MAST3: variants seen among roughly 807,000 people sequenced by gnomAD.
MAST3 encodes the protein microtubule-associated serine/threonine-protein kinase 3.
In MAST3, 43 loss-of-function variants were observed where a neutral mutation model predicts 127.0. The ratio of observed to expected loss-of-function variants is 0.34; its 90% CI spans 0.27 to 0.44. The LOEUF is 0.44. MAST3 is among the 20% of genes least tolerant of loss of function. The pLI is 1.00. For synonymous variants in MAST3, 785 were observed against 809.2 expected, an observed-to-expected ratio of 0.97 and a Z score of 0.51; for missense variants, 1,390 against 1,919.1, an observed-to-expected ratio of 0.72 and a Z score of 5.15.
intron 15 of MAST3, among the ~76,000 whole-genome samples, chr19:18,132,742 C>T (rs79430272): frequency 0.019 from 2,861 of 152,258 alleles, 84 homozygotes; most frequent in Admixed American, 0.074. Flanking sequence ...CAGGTGTCCT[C>T]GAGATACGAG....
Position 18,134,801 on chromosome 19 carries a change from G to T in MAST3, c.1705-16G>T. 6.2e-7 allele frequency: 1 copy of T among 1,613,894 alleles called. No homozygotes were observed. The highest frequency in any genetic ancestry group is 8.5e-7 in the Non-Finnish European group (1 of 1,179,838). The stretch of plus-strand genomic sequence containing the variant: ...GCTGGGGGCTGGCCTCAGTTTCCCC[G>T]TTCTCCCTGGCCCAGGTGTGTGGGA... On this transcript the variant is annotated splice_polypyrimidine_tract_variant and intron_variant, in intron 16 of 27. Coordinates refer to ENST00000687212, the MANE Select transcript of MAST3 (RefSeq NM_001393504.1).
intron 17 of MAST3, 87 bp downstream of exon 17, chr19:18,135,069 A>G: frequency 1.4e-6 from 2 of 1,468,168 alleles, no homozygotes; most frequent in South Asian, 1.3e-5. Context: ...CAGGGAGAGA[A>G]GCAGGAAGAG....
Position 18,131,949 on chromosome 19 carries a change from G to T in MAST3, c.1473G>T (p.Leu491=). The T allele has an allele frequency of 6.2e-7, 1 of 1,612,376 alleles. No individual in the cohort carries two copies. Residue 491 remains leucine, a synonymous_variant, in exon 15 of 28, where the codon CTG becomes CTT. Coordinates refer to ENST00000687212, the MANE Select transcript of MAST3 (RefSeq NM_001393504.1). The stretch of plus-strand genomic sequence containing the variant: ...CGCTCCTGAAGAACATGGGCCCGCT[G>T]CCCGTGGACATGGCCCGCCTGTACT... ...CATLLKNMGP[L]PVDMARLYFA... is the part of the protein sequence containing the mutation.
At chr19:18,137,131 G>C in intron 18 of MAST3, 108 bp from the exon 19 acceptor site, 1 of 1,398,670 alleles carries the variant, frequency 7.1e-7, no homozygotes, top group Non-Finnish European at 9.6e-7. Context: ...CCATTTTTCT[G>C]GTTCTGTGTT....
In MAST3 at chr19:18,128,899, C is replaced by T; in HGVS notation, c.1171C>T (p.Pro391Ser). ...RALVGQSRRK[P>S]CESDFETIKL... The stretch of plus-strand genomic sequence containing the variant: ...CCTGGTCGGCCAGTCACGGAGGAAG[C>T]CATGCGAAAGCGACTTTGAGACCAT... The change falls in exon 13 of 28, where the codon CCA becomes TCA. Residue 391 changes from proline (P) to serine (S), a missense_variant. Physicochemically the swap from Pro to Ser is moderately conservative, Grantham distance 74. Coordinates refer to ENST00000687212, the MANE Select transcript of MAST3 (RefSeq NM_001393504.1). 1 of 1,613,844 alleles carries T rather than the reference C, an allele frequency of 6.2e-7. No homozygotes were observed. Among genetic ancestry groups the T allele is most frequent in the Non-Finnish European group, 8.5e-7 (1 of 1,179,884 alleles).
chr19:18,130,136 C>CGG (rs576530348), intron 13 of MAST3, among the ~76,000 whole-genome samples: 1 of 151,500 alleles, frequency 6.6e-6, no homozygotes, highest in Non-Finnish European at 1.5e-5. Flanking sequence ...TCATTTGAGC[C>CGG]GGGGGGGTGG....
intron 11 of MAST3, among the ~76,000 whole-genome samples, chr19:18,127,710 T>C (rs2040821119): frequency 6.6e-6 from 1 of 150,572 alleles, no homozygotes; most frequent in African/African-American, 2.5e-5. Flanking sequence ...AATACAAAAA[T>C]TAGCTGGGCA....
At chr19:18,127,732 G>T (rs985246526) in intron 11 of MAST3, among the ~76,000 whole-genome samples, 18 of 152,008 alleles carry the variant, frequency 1.2e-4, no homozygotes, top group African/African-American at 3.1e-4. Context: ...GGTGGCACAC[G>T]CCTGTAATCC....
rs775704646 is a variant in MAST3 at position 18,134,860 on chromosome 19, G to T, written c.1748G>T (p.Arg583Leu). 1.9e-6 allele frequency: 3 copies of T among 1,613,966 alleles called. No individual in the cohort carries two copies. Among genetic ancestry groups the T allele is most frequent in the Non-Finnish European group, 2.5e-6 (3 of 1,179,904 alleles). Residue 583 changes from arginine (R) to leucine (L), a missense_variant, in exon 17 of 28, where the codon CGC (arginine) becomes CTC (leucine). Physicochemically the swap from Arg to Leu is moderately radical, Grantham distance 102. Transcript: ENST00000687212. ...PEYIAPEVIF[R>L]QGYGKPVDWW... ...TACATAGCCCCCGAGGTGATCTTCC[G>T]CCAGGGCTATGGGAAGCCAGTGGAC...
At chr19:18,128,216 G>A (rs1320968155) in intron 11 of MAST3, among the ~76,000 whole-genome samples, 184 bp from the exon 12 acceptor site, 3 of 152,202 alleles carry the variant, frequency 2.0e-5, no homozygotes, top group Non-Finnish European at 4.4e-5. Flanking sequence ...CCTTCTAGAA[G>A]GTTCCTAAGT....
intron 20 of MAST3, among the ~76,000 whole-genome samples, chr19:18,140,438 T>G (rs2042345699): frequency 6.6e-6 from 1 of 152,214 alleles, no homozygotes; most frequent in Non-Finnish European, 1.5e-5. Flanking sequence ...TTCATAATGT[T>G]GTGCAACCAT....
intron 21 of MAST3, among the ~76,000 whole-genome samples, chr19:18,143,314 G>A (rs898362191): frequency 1.3e-5 from 2 of 152,102 alleles, no homozygotes; most frequent in Non-Finnish European, 2.9e-5. Flanking sequence ...AGTGGCTCAC[G>A]CCTGTAATCC....
intron 20 of MAST3, among the ~76,000 whole-genome samples, chr19:18,140,891 T>C (rs1211319816): frequency 6.6e-6 from 1 of 152,038 alleles, no homozygotes; most frequent in Non-Finnish European, 1.5e-5. Context: ...CCTTCTGGGT[T>C]CAAGCGATTC....
chr19:18,139,151 C>A, intron 20 of MAST3, 27 bp downstream of exon 20: 1 of 1,482,498 alleles, frequency 6.7e-7, no homozygotes, highest in Non-Finnish European at 9.3e-7. Flanking sequence ...AGGGGAGCCA[C>A]TGCTCAGAAA....
intron 2 of MAST3, among the ~76,000 whole-genome samples, chr19:18,109,273 G>C (rs1036388810): frequency 6.6e-6 from 1 of 152,116 alleles, no homozygotes; most frequent in Non-Finnish European, 1.5e-5. Flanking sequence ...CCCAATCCCA[G>C]GCCATCTGCT....
At chr19:18,111,634 A>G (rs1485771351) in intron 3 of MAST3, among the ~76,000 whole-genome samples, 2 of 146,724 alleles carry the variant, frequency 1.4e-5, no homozygotes, top group East Asian at 4.0e-4. Context: ...TCCTGGGTTC[A>G]AGCAATTCTC....
chr19:18,140,979 C>T (rs916414925), intron 20 of MAST3, among the ~76,000 whole-genome samples: 9 of 151,240 alleles, frequency 6.0e-5, no homozygotes, highest in Non-Finnish European at 7.4e-5. Flanking sequence ...TTTTTAGTAG[C>T]GACCAGGTTT....
intron 6 of MAST3, 81 bp from the exon 7 acceptor site, chr19:18,123,136 G>A (rs993942911): frequency 4.4e-5 from 65 of 1,472,648 alleles, no homozygotes; most frequent in Non-Finnish European, 5.8e-5. Flanking sequence ...AGGCAGCCTG[G>A]GCCTTGAGGG....
intron 11 of MAST3, among the ~76,000 whole-genome samples, chr19:18,126,881 C>G (rs972743820): frequency 3.3e-5 from 5 of 151,892 alleles, no homozygotes; most frequent in African/African-American, 7.2e-5. Flanking sequence ...CCTGGGTTCA[C>G]GCCATTCTCC....
Sources: gnomAD v4.1 joint callset for allele counts (sites outside exome capture counted in the v4.1 genomes callset) on GRCh38, gnomAD v4.1.1 for gene constraint, MANE v1.5 for transcripts, NCBI Gene and HGNC (gene_info 2026-07-23, HGNC 2026-07-21) for gene names.